The following CUX2 variants were observed in gnomAD, a reference collection of about 807,000 sequenced individuals.
The protein encoded by CUX2 is cut like homeobox 2, also known as homeobox protein cut-like 2.
CUX2 carries 40 observed loss-of-function variants against 144.8 expected under a neutral mutation model. The ratio of observed to expected loss-of-function variants is 0.28; its 90% CI spans 0.21 to 0.36. CUX2 has a LOEUF of 0.36. Ranked by LOEUF, CUX2 falls within the 10% of genes least tolerant of loss-of-function variation. CUX2 has a pLI of 1.00. For synonymous variants in CUX2, 827 were observed against 875.6 expected (o/e 0.94, Z 0.98); for missense variants, 1,615 against 1,994.0 (o/e 0.81, Z 3.62).
chr12:111,110,836 C>T (rs1249803277), intron 1 of CUX2, among the ~76,000 whole-genome samples: 3 of 152,132 alleles, frequency 2.0e-5, no homozygotes, highest in South Asian at 2.1e-4. Context: ...GCTGGGGAGG[C>T]GTGAAGGGGG....
At chr12:111,098,320 A>G (rs1412019890) in intron 1 of CUX2, among the ~76,000 whole-genome samples, 1 of 152,066 alleles carries the variant, frequency 6.6e-6, no homozygotes, top group East Asian at 1.9e-4. Context: ...GAATCACTTG[A>G]ACCTGGGAGG....
intron 1 of CUX2, among the ~76,000 whole-genome samples, chr12:111,138,706 C>A (rs1876092150): frequency 6.6e-6 from 1 of 152,070 alleles, no homozygotes; most frequent in South Asian, 2.1e-4. Context: ...AGCACCCATC[C>A]CCGCTGTGAC....
At chr12:111,248,919 C>T (rs1406460752) in intron 3 of CUX2, among the ~76,000 whole-genome samples, 3 of 152,216 alleles carry the variant, frequency 2.0e-5, no homozygotes, top group Non-Finnish European at 4.4e-5. Flanking sequence ...GTATAATTTA[C>T]ATACAGTAAA....
At chr12:111,127,903 T>G (rs908261654) in intron 1 of CUX2, among the ~76,000 whole-genome samples, 4 of 152,198 alleles carry the variant, frequency 2.6e-5, no homozygotes, top group Non-Finnish European at 5.9e-5. Flanking sequence ...GTGAGACTTA[T>G]TCACTATCAC....
At chr12:111,269,991 T>C (rs1408731324) in intron 4 of CUX2, among the ~76,000 whole-genome samples, 1 of 152,206 alleles carries the variant, frequency 6.6e-6, no homozygotes, top group African/African-American at 2.4e-5. Flanking sequence ...CTAATTCATT[T>C]TCGAGACATT....
chr12:111,330,116 T>C (rs1379282923), intron 18 of CUX2, among the ~76,000 whole-genome samples: 1 of 152,198 alleles, frequency 6.6e-6, no homozygotes, highest in Non-Finnish European at 1.5e-5. Flanking sequence ...GGATGCTACC[T>C]GAATGGCCAG....
chr12:111,174,281 C>T (rs1307353138), intron 1 of CUX2, among the ~76,000 whole-genome samples: 3 of 152,214 alleles, frequency 2.0e-5, no homozygotes, highest in Non-Finnish European at 4.4e-5. Flanking sequence ...TTGGCAGTGA[C>T]CAGACCAGGC....
chr12:111,254,328 T>C (rs909259017), intron 3 of CUX2, among the ~76,000 whole-genome samples: 1 of 152,232 alleles, frequency 6.6e-6, no homozygotes, highest in African/African-American at 2.4e-5. Context: ...TCCCTGGGCA[T>C]GCACATAGTA....
chr12:111,282,767 T>A (rs929770820), intron 4 of CUX2, among the ~76,000 whole-genome samples: 2 of 152,174 alleles, frequency 1.3e-5, no homozygotes, highest in African/African-American at 2.4e-5. Flanking sequence ...CCTTCCTGGC[T>A]TGCAGACAGC....
intron 4 of CUX2, among the ~76,000 whole-genome samples, chr12:111,275,095 C>G (rs1042012826): frequency 1.3e-5 from 2 of 152,206 alleles, no homozygotes; most frequent in African/African-American, 4.8e-5. Context: ...AGTCCTTTGA[C>G]TGTGTTCTCT....
intron 1 of CUX2, among the ~76,000 whole-genome samples, chr12:111,196,416 T>G: frequency 6.6e-6 from 1 of 152,236 alleles, no homozygotes; most frequent in East Asian, 1.9e-4. Context: ...ATTAAGAAAC[T>G]GCCAAACTGT....
chr12:111,051,365 C>T (rs575539276), intron 1 of CUX2, among the ~76,000 whole-genome samples: 194 of 152,232 alleles, frequency 1.3e-3, no homozygotes, highest in Non-Finnish European at 2.5e-3. Flanking sequence ...TTGTCTATTT[C>T]TCCATTTCTG....
At chr12:111,126,891 C>A (rs1388628179) in intron 1 of CUX2, among the ~76,000 whole-genome samples, 2 of 152,188 alleles carry the variant, frequency 1.3e-5, no homozygotes, top group Non-Finnish European at 2.9e-5. Context: ...TGTGATACAA[C>A]TATCCTGTGT....
chr12:111,338,116 C>T (rs889543868), intron 19 of CUX2, among the ~76,000 whole-genome samples, 170 bp from the exon 20 acceptor site: 1 of 152,184 alleles, frequency 6.6e-6, no homozygotes, highest in East Asian at 1.9e-4. Flanking sequence ...AGACCCCCCT[C>T]GGCTTCACAT....
intron 3 of CUX2, among the ~76,000 whole-genome samples, chr12:111,258,512 CAA>C (rs895707620): frequency 3.6e-4 from 24 of 65,892 alleles, no homozygotes; most frequent in Admixed American, 3.5e-4. Context: ...GACTCCATCT[CAA>C]AAAAAAAAAA....
chr12:111,225,694 A>C (rs1882101198), intron 3 of CUX2, among the ~76,000 whole-genome samples: 1 of 152,224 alleles, frequency 6.6e-6, no homozygotes, highest in African/African-American at 2.4e-5. Flanking sequence ...GGAGATCTGC[A>C]GGTGGTTAGG....
rs907667500 is a variant in CUX2, at chr12:111,077,287, C to G, written c.63+43047C>G. Reference sequence around the variant, plus strand: ...GAAAGAGGCCTTTCCTTGAAACGCGCAGCCGTGTGGCAGGGCCCGGGAAGA... The same window carrying G: ...GAAAGAGGCCTTTCCTTGAAACGCGGAGCCGTGTGGCAGGGCCCGGGAAGA... On this transcript the variant is annotated intron_variant, in intron 1 of 21. Transcript: ENST00000261726. The surrounding 1 kb of genome is among the most constrained non-coding windows in gnomAD (Gnocchi z 4.1). Among the ~76,000 whole-genome samples, 1 of 152,198 alleles carries G rather than the reference C, an allele frequency of 6.6e-6. No individual in the cohort carries two copies. Among genetic ancestry groups the G allele is most frequent in the Non-Finnish European group, 1.5e-5 (1 of 68,044 alleles).
intron 4 of CUX2, among the ~76,000 whole-genome samples, chr12:111,264,726 G>C (rs1884294752): frequency 6.6e-6 from 1 of 152,200 alleles, no homozygotes; most frequent in African/African-American, 2.4e-5. Context: ...CTGGATGACA[G>C]AGCAAGACTG....
chr12:111,210,655 G>A (rs533939867), intron 1 of CUX2, among the ~76,000 whole-genome samples: 1 of 152,192 alleles, frequency 6.6e-6, no homozygotes, highest in East Asian at 1.9e-4. Context: ...AAATTAGCTA[G>A]GCATGATGGC....
Sources: gnomAD v4.1 joint callset for allele counts (sites outside exome capture counted in the v4.1 genomes callset) on GRCh38, gnomAD v4.1.1 for gene constraint, Gnocchi (gnomAD v3.1) non-coding constraint, MANE v1.5 for transcripts, NCBI Gene and HGNC (gene_info 2026-07-23, HGNC 2026-07-21) for gene names.